Variants in TBL2 observed in about 807,000 individuals in gnomAD.
TBL2 encodes transducin beta like 2, also known as transducin beta-like protein 2.
TBL2 carries 33 observed loss-of-function variants against 41.8 expected under a neutral mutation model. The observed-to-expected ratio is 0.79, with a 90% CI of 0.60 to 1.06. The LOEUF is 1.06. Among genes scored for constraint, TBL2 ranks in the 50% least tolerant of loss-of-function variants. The pLI, the probability that TBL2 is intolerant of heterozygous loss-of-function variation, is 0.00. For synonymous variants in TBL2, 239 were observed against 241.7 expected (o/e 0.99, Z 0.10); for missense variants, 522 against 603.8 (o/e 0.86, Z 1.42).
chr7:73,573,147 C>G, intron 4 of TBL2, 173 bp downstream of exon 4: 1 of 1,356,106 alleles, frequency 7.4e-7, no homozygotes, highest in African/African-American at 1.4e-5. Context: ...CCCTAGGGAC[C>G]TGGTGTGGCC....
rs936717458 is a variant in TBL2, at chr7:73,569,634, C to T, written c.*873G>A. ...AGGGTGTATCTCTCTCTCCCACCAG[C>T]CATCTTTGATGGCAGAAACCATGTC... On this transcript the variant is annotated 3_prime_UTR_variant, in exon 7 of 7. Coordinates refer to ENST00000305632, the MANE Select transcript of TBL2 (RefSeq NM_012453.4). 6.6e-6 allele frequency: 1 copy of T among 152,322 alleles called. No individual in the cohort carries two copies. Among genetic ancestry groups the T allele is most frequent in the Non-Finnish European group, 1.5e-5 (1 of 68,044 alleles). 9.4% of individuals were successfully genotyped at this position (152,322 alleles called of 1,614,324 possible). A position where few individuals can be genotyped will look rare whatever the true frequency, so the allele number is the denominator to read the frequency against.
chr7:73,573,709 G>A (rs1284348376), intron 3 of TBL2: 11 of 754,252 alleles, frequency 1.5e-5, no homozygotes, highest in Admixed American at 1.2e-4. Context: ...TGGAAGCCAG[G>A]CCAAGGTATT....
chr7:73,577,268 A>C (rs1336026224), intron 1 of TBL2, among the ~76,000 whole-genome samples: 15 of 150,392 alleles, frequency 1.0e-4, no homozygotes, highest in African/African-American at 3.7e-4. Context: ...CCCCTGCAAA[A>C]AAAAAAAAAA....
chr7:73,571,119 A>C, intron 6 of TBL2, 70 bp downstream of exon 6: 1 of 1,605,110 alleles, frequency 6.2e-7, no homozygotes, highest in South Asian at 1.1e-5. Context: ...TGGCACAAAC[A>C]GACAGAAGGA....
chr7:73,578,147 C>A (rs1793455489), intron 1 of TBL2: 2 of 1,156,776 alleles, frequency 1.7e-6, no homozygotes, highest in Admixed American at 5.3e-5. Flanking sequence ...TTACGGTGCT[C>A]TCCTGGCCAC....
intron 1 of TBL2, chr7:73,576,684 G>A (rs1228585850): frequency 6.6e-6 from 3 of 456,412 alleles, no homozygotes; most frequent in African/African-American, 6.0e-5. Context: ...ATTCCAACAG[G>A]AAAAAAGCTC....
At position 73,571,285 on chromosome 7, in the gene TBL2, C is replaced by T; in HGVS notation, c.782G>A (p.Gly261Glu). The T allele has an allele frequency of 6.2e-7, 1 of 1,614,230 alleles. No homozygotes were observed. The highest frequency in any genetic ancestry group is 8.5e-7 in the Non-Finnish European group (1 of 1,180,038). The change falls in exon 6 of 7, where the codon GGA (glycine) becomes GAA (glutamate). Residue 261 changes from glycine (G) to glutamate (E), a missense_variant. Gly to Glu is a moderately conservative substitution (Grantham distance 98). Coordinates refer to ENST00000305632, the MANE Select transcript of TBL2 (RefSeq NM_012453.4). ...PDVKVWEVCFGKKGEFQEVVR... is the reference protein window; with the variant it reads ...PDVKVWEVCFEKKGEFQEVVR... ...CACCTCCTGGAACTCCCCCTTCTTT[C>T]CAAAGCAGACTTCCCAAACCTTCAC...
At chr7:73,577,264 CA>C (rs34760825) in intron 1 of TBL2, among the ~76,000 whole-genome samples, 2,605 of 98,080 alleles carry the variant, frequency 0.027, 76 homozygotes, top group African/African-American at 0.1. Context: ...CGTCCCCCTG[CA>C]AAAAAAAAAA....
rs1291450165 is a variant in TBL2 at position 73,568,694 on chromosome 7, G to T, written c.*1813C>A. Among the ~76,000 whole-genome samples the T allele has an allele frequency of 1.3e-5, 2 of 152,126 alleles. No individual in the cohort carries two copies. The highest frequency in any genetic ancestry group is 3.9e-4 in the East Asian group (2 of 5,180). ...ATCCCAGCACTTGGGGAGGCCAAGG[G>T]GGGTGGTGGATCATTTGAGGTCAGG... is the stretch of plus-strand genomic sequence containing the variant. On this transcript the variant is annotated 3_prime_UTR_variant, in exon 7 of 7. Coordinates refer to ENST00000305632, the MANE Select transcript of TBL2 (RefSeq NM_012453.4).
chr7:73,572,796 A>G, intron 5 of TBL2, 48 bp downstream of exon 5: 1 of 1,612,888 alleles, frequency 6.2e-7, no homozygotes, highest in South Asian at 1.1e-5. Context: ...CCTGCTCCCC[A>G]GCCCCAGCCT....
chr7:73,576,229 G>A (rs989279895), intron 1 of TBL2, among the ~76,000 whole-genome samples: 8 of 144,740 alleles, frequency 5.5e-5, no homozygotes, highest in Admixed American at 4.9e-4. Flanking sequence ...GTTTGATACA[G>A]AGTCTCGCTC....
intron 1 of TBL2, among the ~76,000 whole-genome samples, chr7:73,575,144 G>T (rs1284350120): frequency 1.3e-5 from 2 of 151,106 alleles, no homozygotes; most frequent in Non-Finnish European, 3.0e-5. Context: ...CTTTTTTTTG[G>T]AGACAGAGTC....
intron 1 of TBL2, among the ~76,000 whole-genome samples, chr7:73,575,413 C>T (rs61418273): frequency 0.081 from 12,311 of 152,010 alleles, 532 homozygotes; most frequent in Middle Eastern, 0.11. Context: ...GCCTCAGCCT[C>T]CCAAGTAGCT....
rs202145532 is a variant in TBL2, at chr7:73,573,269, G to A, written c.598+51C>T. ...ATTAACTCATTGAGGAAATAGAACT[G>A]GATCTTTCCTTCATGCTTTGGGCAG... On this transcript the variant is annotated intron_variant, in intron 4 of 6. Coordinates refer to ENST00000305632, the MANE Select transcript of TBL2 (RefSeq NM_012453.4). 3.4e-4 allele frequency: 553 copies of A among 1,604,256 alleles called. 3 individuals are homozygous for A. The Middle Eastern group carries it at 9.8e-3, about 28-fold the overall frequency.
chr7:73,572,858 T>C lies in TBL2; in HGVS notation c.711A>G (p.Val237=). 6.2e-7 allele frequency: 1 copy of C among 1,614,116 alleles called. No homozygotes were observed. Among genetic ancestry groups the C allele is most frequent in the East Asian group, 2.2e-5 (1 of 44,884 alleles). ...TNQMNNTHAA[V]SPCGRFVASC... is the part of the protein sequence containing the mutation. The stretch of plus-strand genomic sequence containing the variant: ...TCCTTGCCCACCTGCCACAGGGAGA[T>C]ACAGCAGCGTGTGTGTTGTTCATCT... The change falls in exon 5 of 7, where the codon GTA becomes GTG. Residue 237 remains valine (V), a synonymous_variant. Coordinates refer to ENST00000305632, the MANE Select transcript of TBL2 (RefSeq NM_012453.4).
chr7:73,572,959 T>C lies in TBL2; in HGVS notation c.610A>G (p.Met204Val), dbSNP rs782151103. ...IGIANTGKFIMTASSDTTVLI... is the reference protein window; with the variant it reads ...IGIANTGKFIVTASSDTTVLI... The stretch of plus-strand genomic sequence containing the variant: ...ACAGTGGTGTCACTGGAGGCAGTCA[T>C]GATAAACTTCCCTGAGCGGGAAGGG... The change falls in exon 5 of 7, where the codon ATG becomes GTG. Residue 204 changes from methionine (M) to valine (V), a missense_variant. By Grantham distance (21) the Met-to-Val change is conservative (BLOSUM62 1). Transcript: ENST00000305632. 1.2e-5 allele frequency: 20 copies of C among 1,614,134 alleles called. No individual in the cohort carries two copies. Among genetic ancestry groups the C allele is most frequent in the Non-Finnish European group, 1.7e-5 (20 of 1,180,016 alleles).
Position 73,568,555 on chromosome 7 carries a change from T to A in TBL2, c.*1952A>T, listed in dbSNP as rs184954271. Among the ~76,000 whole-genome samples the A allele has an allele frequency of 6.6e-6, 1 of 152,320 alleles. No homozygotes were observed. The highest frequency in any genetic ancestry group is 1.9e-4 in the East Asian group (1 of 5,178). On this transcript the variant is annotated 3_prime_UTR_variant, in exon 7 of 7. Transcript: ENST00000305632. ...CCTTCACACATTTACGGTGCCCATC[T>A]GACATTCATAGCATTTAGAGGGGGG... is the stretch of plus-strand genomic sequence containing the variant.
Position 73,570,953 on chromosome 7 carries a change from C to A in TBL2, c.898G>T (p.Asp300Tyr). The A allele has an allele frequency of 6.2e-7, 1 of 1,604,484 alleles. No individual in the cohort carries two copies. The highest frequency in any genetic ancestry group is 8.5e-7 in the Non-Finnish European group (1 of 1,174,220). The change falls in exon 7 of 7, where the codon GAT becomes TAT. Residue 300 changes from aspartate (D) to tyrosine (Y), a missense_variant. Asp to Tyr is a radical substitution (Grantham distance 160, BLOSUM62 -3). Transcript: ENST00000305632. ...GTGTCCCACAGTTTCCATGTACCAT[C>A]CTTGGAGACAGAAGCCATCCTGCAA... ...DSRRMASVSK[D>Y]GTWKLWDTDV...
chr7:73,573,226 G>A, intron 4 of TBL2, 94 bp downstream of exon 4: 1 of 1,542,894 alleles, frequency 6.5e-7, no homozygotes, highest in East Asian at 2.2e-5. Context: ...CTCAGGTTGA[G>A]CAGAACTTTC....
Sources: gnomAD v4.1 joint callset for allele counts (sites outside exome capture counted in the v4.1 genomes callset) on GRCh38, gnomAD v4.1.1 for gene constraint, MANE v1.5 for transcripts, NCBI Gene and HGNC (gene_info 2026-07-23, HGNC 2026-07-21) for gene names.